The following SLIT2 variants were observed in gnomAD, a reference collection of about 807,000 sequenced individuals.
The protein encoded by SLIT2 is slit guidance ligand 2, also known as slit homolog 2 protein.
SLIT2 carries 41 observed loss-of-function variants against 185.7 expected under a neutral mutation model. That is an observed-to-expected ratio of 0.22 (90% CI 0.17 to 0.29). The LOEUF is 0.29. SLIT2 is among the 10% of genes least tolerant of loss of function. The pLI is 1.00. For missense variants in SLIT2, 1,571 were observed against 1,909.0 expected, an observed-to-expected ratio of 0.82 and a Z score of 3.30; for synonymous variants, 693 against 680.2, an observed-to-expected ratio of 1.02 and a Z score of -0.29.
At chr4:20,439,100 A>G (rs1424834600) in intron 4 of SLIT2, among the ~76,000 whole-genome samples, 1 of 152,158 alleles carries the variant, frequency 6.6e-6, no homozygotes, top group African/African-American at 2.4e-5. Flanking sequence ...CTTAATAAAT[A>G]TTTCTTGGAT....
At chr4:20,518,636 G>A (rs1446637755) in intron 11 of SLIT2, among the ~76,000 whole-genome samples, 2 of 73,210 alleles carry the variant, frequency 2.7e-5, no homozygotes, top group Admixed American at 2.3e-4. Context: ...ACGGAGTCTC[G>A]CTCTGTCGCC....
chr4:20,610,253 A>G (rs1458625825), intron 34 of SLIT2, 86 bp downstream of exon 34: 13 of 1,197,980 alleles, frequency 1.1e-5, no homozygotes, highest in Non-Finnish European at 1.5e-5. Context: ...TGCCTAATAT[A>G]TCAGGATTTG....
chr4:20,378,026 C>A (rs1019107863), intron 4 of SLIT2, among the ~76,000 whole-genome samples: 1 of 151,996 alleles, frequency 6.6e-6, no homozygotes, highest in Non-Finnish European at 1.5e-5. Context: ...CTACACCCAG[C>A]GTGTGTGGAT....
At chr4:20,472,385 T>TA (rs1560453709) in intron 5 of SLIT2, among the ~76,000 whole-genome samples, 516 of 39,168 alleles carry the variant, frequency 0.013, 39 homozygotes, top group East Asian at 0.07. Flanking sequence ...TCTATATATA[T>TA]GTAGATATAT....
intron 6 of SLIT2, among the ~76,000 whole-genome samples, chr4:20,481,686 CACAAAAAAGGAATTCATTACTT>C (rs1260368775): frequency 6.6e-6 from 1 of 151,748 alleles, no homozygotes; most frequent in East Asian, 1.9e-4. Context: ...TCCTTTTCCC[CACAAAAAAGGAATTCATTACTT>C]TATAAATCTA....
chr4:20,442,607 G>A (rs957470252), intron 4 of SLIT2, among the ~76,000 whole-genome samples: 5 of 151,896 alleles, frequency 3.3e-5, no homozygotes, highest in Non-Finnish European at 7.4e-5. Flanking sequence ...TGTGAAACTC[G>A]GAAAGGAGCG....
intron 4 of SLIT2, among the ~76,000 whole-genome samples, chr4:20,430,730 C>T (rs532147148): frequency 2.0e-5 from 3 of 152,284 alleles, no homozygotes; most frequent in African/African-American, 4.8e-5. Flanking sequence ...CTCATCCTCC[C>T]GCCCATGGGG....
Position 20,472,255 on chromosome 4 carries a change from G to T in SLIT2, c.467+4432G>T, listed in dbSNP as rs1488020542. The stretch of plus-strand genomic sequence containing the variant: ...ATATAGATCTATATATCTATATATA[G>T]ATCTATATATAGATATATATCTATA... On this transcript the variant is annotated intron_variant, in intron 5 of 36. Coordinates refer to ENST00000504154, the MANE Select transcript of SLIT2 (RefSeq NM_004787.4). Among the ~76,000 whole-genome samples, 51 of 21,886 alleles carry T rather than the reference G, an allele frequency of 2.3e-3. 4 individuals are homozygous for T. Among genetic ancestry groups the T allele is most frequent in the East Asian group, 6.0e-3 (3 of 496 alleles). The allele number at this position is 21,886 out of a possible 152,430, so 14.4% of individuals were successfully genotyped here.
chr4:20,477,155 TAA>T (rs11362908), intron 5 of SLIT2, among the ~76,000 whole-genome samples: 58,491 of 138,966 alleles, frequency 0.42, 12,054 homozygotes, highest in Middle Eastern at 0.53. Flanking sequence ...CCTCCTACCA[TAA>T]AAAAAAAAAA....
At chr4:20,586,713 G>A (rs1289332293) in intron 29 of SLIT2, among the ~76,000 whole-genome samples, 1 of 152,122 alleles carries the variant, frequency 6.6e-6, no homozygotes, top group Non-Finnish European at 1.5e-5. Flanking sequence ...GATAGGCATA[G>A]TCAAACACAA....
intron 2 of SLIT2, among the ~76,000 whole-genome samples, chr4:20,257,366 A>G (rs1469314190): frequency 6.6e-6 from 1 of 152,054 alleles, no homozygotes; most frequent in Non-Finnish European, 1.5e-5. Context: ...CACCCACAGG[A>G]TTGTAAATAT....
intron 29 of SLIT2, among the ~76,000 whole-genome samples, chr4:20,570,473 T>C (rs1329738364): frequency 6.6e-5 from 10 of 151,954 alleles, no homozygotes; most frequent in African/African-American, 2.4e-4. Flanking sequence ...TTTAACTTCA[T>C]TGGATGGGCT....
chr4:20,258,196 A>T (rs547249886), intron 3 of SLIT2, among the ~76,000 whole-genome samples: 63 of 151,960 alleles, frequency 4.1e-4, no homozygotes, highest in African/African-American at 1.4e-3. Context: ...TTTGGTACTT[A>T]AAGATGTACA....
intron 4 of SLIT2, among the ~76,000 whole-genome samples, chr4:20,423,658 T>C (rs1728336560): frequency 6.6e-6 from 1 of 152,126 alleles, no homozygotes; most frequent in Admixed American, 6.6e-5. Context: ...CCTTCAGTAC[T>C]ATGATTGGCA....
At chr4:20,469,439 A>T (rs1714718351) in intron 5 of SLIT2, among the ~76,000 whole-genome samples, 1 of 152,176 alleles carries the variant, frequency 6.6e-6, no homozygotes, top group Non-Finnish European at 1.5e-5. Flanking sequence ...TCATGATAGA[A>T]TTCTTCTTTA....
intron 4 of SLIT2, among the ~76,000 whole-genome samples, chr4:20,305,468 A>C (rs542338449): frequency 6.6e-6 from 1 of 152,346 alleles, no homozygotes; most frequent in African/African-American, 2.4e-5. Flanking sequence ...GGAACCCCCT[A>C]TTCAAACACA....
At chr4:20,374,408 T>TA (rs2109325579) in intron 4 of SLIT2, among the ~76,000 whole-genome samples, 1 of 152,254 alleles carries the variant, frequency 6.6e-6, no homozygotes, top group South Asian at 2.1e-4. Context: ...GTTTTACCCT[T>TA]ACTGCTTTTT....
At chr4:20,572,904 A>G (rs2148922075) in intron 29 of SLIT2, among the ~76,000 whole-genome samples, 1 of 152,312 alleles carries the variant, frequency 6.6e-6, no homozygotes, top group East Asian at 1.9e-4. Context: ...TAAATTTTCC[A>G]TTGTGTACCC....
intron 30 of SLIT2, among the ~76,000 whole-genome samples, chr4:20,593,022 A>C (rs750928027): frequency 3.6e-4 from 55 of 152,266 alleles, no homozygotes; most frequent in Non-Finnish European, 6.3e-4. Context: ...TTTTCAGACA[A>C]AACCTTAGGC....
Sources: allele counts gnomAD v4.1 joint callset (sites outside exome capture counted in the v4.1 genomes callset), GRCh38; gene constraint gnomAD v4.1.1; transcripts MANE v1.5; gene names NCBI Gene and HGNC (gene_info 2026-07-23, HGNC 2026-07-21).